The following PTPRM variants were observed in gnomAD, a reference collection of about 807,000 sequenced individuals.
PTPRM encodes the protein receptor-type tyrosine-protein phosphatase mu.
A neutral mutation model predicts 186.7 loss-of-function variants in PTPRM; 47 were observed. The ratio of observed to expected loss-of-function variants is 0.25; its 90% CI spans 0.20 to 0.32. The LOEUF (loss-of-function observed/expected upper bound fraction) is 0.32, where lower values mean the gene tolerates loss of function less well. Among genes scored for constraint, PTPRM ranks in the 10% least tolerant of loss-of-function variants. The pLI, the probability that PTPRM is intolerant of heterozygous loss-of-function variation, is 1.00. For missense variants in PTPRM, 1,494 were observed against 1,865.0 expected, an observed-to-expected ratio of 0.80 and a Z score of 3.66; for synonymous variants, 668 against 674.9, an observed-to-expected ratio of 0.99 and a Z score of 0.16.
At chr18:7,892,652 C>T (rs1420092325) in intron 3 of PTPRM, among the ~76,000 whole-genome samples, 2 of 152,178 alleles carry the variant, frequency 1.3e-5, no homozygotes, top group African/African-American at 4.8e-5. Flanking sequence ...TCATTGATAT[C>T]TTAGTCTGCT....
intron 7 of PTPRM, among the ~76,000 whole-genome samples, chr18:7,991,273 TTTTA>T: frequency 6.6e-6 from 1 of 152,286 alleles, no homozygotes; most frequent in East Asian, 1.9e-4. Context: ...GTCATGGTTG[TTTTA>T]TTTAAGGGAC....
At chr18:7,661,749 C>T (rs1207021361) in intron 1 of PTPRM, among the ~76,000 whole-genome samples, 3 of 152,218 alleles carry the variant, frequency 2.0e-5, no homozygotes, top group Non-Finnish European at 4.4e-5. Context: ...TTCCAATAGA[C>T]TCCTGGTGTA....
At chr18:8,235,476 T>TTTTTTTTTTTTTTTTTG (rs1481569126) in intron 14 of PTPRM, among the ~76,000 whole-genome samples, 10 of 136,766 alleles carry the variant, frequency 7.3e-5, no homozygotes, top group African/African-American at 1.3e-4. Context: ...TTTTTTTTTT[T>TTTTTTTTTTTTTTTTTG]TTTAGCCTGG....
At position 8,031,309 on chromosome 18, in the gene PTPRM, G is replaced by A. The variant is rs991143614; in HGVS notation, c.1133-38377G>A. ...CAATACTTTGCAGATAGTGCTAACA[G>A]CTTTTTCTATGAAATATGTTGGCTA... On this transcript the variant is annotated intron_variant, in intron 7 of 32. Transcript: ENST00000580170. 5.3e-5 allele frequency among the ~76,000 whole-genome samples: 8 copies of A among 152,280 alleles called. No individual in the cohort carries two copies. The South Asian group carries it at 1.7e-3, about 32-fold the overall frequency.
intron 1 of PTPRM, among the ~76,000 whole-genome samples, chr18:7,578,184 C>T (rs2036740373): frequency 1.3e-5 from 2 of 152,078 alleles, no homozygotes; most frequent in Admixed American, 1.3e-4. Context: ...GATTTTTAGA[C>T]AGGGTCTCAC....
chr18:7,655,261 T>G (rs1041790370), intron 1 of PTPRM, among the ~76,000 whole-genome samples: 4 of 152,180 alleles, frequency 2.6e-5, no homozygotes, highest in Non-Finnish European at 5.9e-5. Flanking sequence ...CTCACCAAGT[T>G]GCCCAGGCTG....
intron 14 of PTPRM, among the ~76,000 whole-genome samples, chr18:8,162,344 G>A (rs935725925): frequency 4.6e-5 from 7 of 152,276 alleles, no homozygotes; most frequent in East Asian, 1.9e-4. Context: ...CAGGTGATCC[G>A]CCCACCTTGG....
chr18:7,741,778 G>A (rs2040889392), intron 1 of PTPRM: 2 of 152,176 alleles, frequency 1.3e-5, no homozygotes, highest in African/African-American at 4.8e-5. Flanking sequence ...AATTTCTTCA[G>A]TATAAGTGAA....
chr18:8,401,744 T>G (rs966496260), intron 32 of PTPRM, among the ~76,000 whole-genome samples: 3 of 152,242 alleles, frequency 2.0e-5, no homozygotes, highest in African/African-American at 7.2e-5. Context: ...CCCGCTGGTG[T>G]GCTGGCCTCG....
intron 1 of PTPRM, among the ~76,000 whole-genome samples, chr18:7,662,513 A>G (rs2039003519): frequency 6.6e-6 from 1 of 152,202 alleles, no homozygotes; most frequent in South Asian, 2.1e-4. Context: ...TAAAAATTAA[A>G]ACAGTTGAAT....
intron 14 of PTPRM, among the ~76,000 whole-genome samples, chr18:8,233,723 A>G (rs1176609689): frequency 2.0e-5 from 3 of 152,134 alleles, no homozygotes; most frequent in African/African-American, 4.8e-5. Context: ...TCATTGCCAT[A>G]TCCAAGGTCA....
chr18:7,716,268 C>T (rs995807680), intron 1 of PTPRM, among the ~76,000 whole-genome samples: 2 of 152,096 alleles, frequency 1.3e-5, no homozygotes, highest in African/African-American at 2.4e-5. Context: ...GGAAAAGATT[C>T]CCTATTTAAT....
chr18:7,596,597 G>T (rs551001066), intron 1 of PTPRM, among the ~76,000 whole-genome samples: 2 of 152,160 alleles, frequency 1.3e-5, no homozygotes, highest in East Asian at 1.9e-4. Context: ...TTCATCATAG[G>T]TATGTGCATA....
At chr18:7,838,376 C>G (rs2046159084) in intron 2 of PTPRM, among the ~76,000 whole-genome samples, 1 of 152,174 alleles carries the variant, frequency 6.6e-6, no homozygotes, top group African/African-American at 2.4e-5. Flanking sequence ...AACTACGATT[C>G]AAGATGAGAT....
intron 8 of PTPRM, among the ~76,000 whole-genome samples, chr18:8,074,903 A>G (rs935654141): frequency 1.3e-5 from 2 of 152,104 alleles, no homozygotes; most frequent in African/African-American, 4.8e-5. Context: ...GATAATGTAC[A>G]TTTTATCTAG....
chr18:8,069,901 T>A lies in PTPRM; in HGVS notation c.1348T>A (p.Ser450Thr). Residue 450 changes from serine (S) to threonine (T), a missense_variant, in exon 8 of 33, where the codon TCA becomes ACA. By Grantham distance (58) the Ser-to-Thr change is moderately conservative. Transcript: ENST00000580170. ...SHPQHTITNL[S>T]PYTNVSVKLI... The stretch of plus-strand genomic sequence containing the variant: ...CCCTCAACACACGATCACTAACCTG[T>A]CACCATACACCAATGTCAGTGTGAA... 6.2e-7 allele frequency: 1 copy of A among 1,613,920 alleles called. No homozygotes were observed. The highest frequency in any genetic ancestry group is 8.5e-7 in the Non-Finnish European group (1 of 1,179,868).
chr18:7,809,434 T>G (rs752338462), intron 2 of PTPRM, among the ~76,000 whole-genome samples: 1 of 152,118 alleles, frequency 6.6e-6, no homozygotes, highest in Non-Finnish European at 1.5e-5. Flanking sequence ...CATGGTCAGC[T>G]GCTGGGACCG....
At chr18:7,729,180 G>GATT (rs2040607509) in intron 1 of PTPRM, among the ~76,000 whole-genome samples, 2 of 152,202 alleles carry the variant, frequency 1.3e-5, no homozygotes, top group Non-Finnish European at 2.9e-5. Context: ...AAAATGCTGG[G>GATT]ATTATAGATG....
At chr18:8,001,639 G>A (rs2083881458) in intron 7 of PTPRM, among the ~76,000 whole-genome samples, 1 of 152,046 alleles carries the variant, frequency 6.6e-6, no homozygotes, top group South Asian at 2.1e-4. Context: ...TAATTGTGAA[G>A]TGATTCCAAG....
Sources: allele counts gnomAD v4.1 joint callset (sites outside exome capture counted in the v4.1 genomes callset), GRCh38; gene constraint gnomAD v4.1.1; transcripts MANE v1.5; gene names NCBI Gene and HGNC (gene_info 2026-07-23, HGNC 2026-07-21).